SMAD3: variants seen among roughly 807,000 people sequenced by gnomAD.
SMAD3 encodes the protein MAD homolog 3.
A neutral mutation model predicts 51.8 loss-of-function variants in SMAD3; 12 were observed. The ratio of observed to expected loss-of-function variants is 0.23; its 90% CI spans 0.15 to 0.38. SMAD3 has a LOEUF of 0.38. Ranked by LOEUF, SMAD3 falls within the 10% of genes least tolerant of loss-of-function variation. The pLI is 1.00. For missense variants in SMAD3, 294 were observed against 565.6 expected (o/e 0.52, Z 4.87); for synonymous variants, 238 against 227.7 (o/e 1.05, Z -0.41).
rs1963466747 is a variant in SMAD3, at chr15:67,194,991, C to G, written c.*4455C>G. Reference sequence around the variant, plus strand: ...ACCTTCACTATTCGGCCAGCCTGACCTTTTAATAACTTTGTAAAAAGCATG... The same window carrying G: ...ACCTTCACTATTCGGCCAGCCTGACGTTTTAATAACTTTGTAAAAAGCATG... On this transcript the variant is annotated 3_prime_UTR_variant, in exon 9 of 9. Coordinates refer to ENST00000327367, the MANE Select transcript of SMAD3 (RefSeq NM_005902.4). 1 of 233,492 alleles carries G rather than the reference C, an allele frequency of 4.3e-6. No individual in the cohort carries two copies. The highest frequency in any genetic ancestry group is 8.5e-6 in the Non-Finnish European group (1 of 117,934). The allele number at this position is 233,492 out of a possible 1,614,324, so 14.5% of individuals were successfully genotyped here.
intron 1 of SMAD3, among the ~76,000 whole-genome samples, chr15:67,098,322 AGGAGGGAGGGAGGGAG>A (rs1279427816): frequency 8.3e-5 from 7 of 83,836 alleles, no homozygotes; most frequent in Admixed American, 1.4e-4. Context: ...AAAAGAAGGA[AGGAGGGAGGGAGGGAG>A]GGAGGGAGGG....
At chr15:67,169,654 G>T (rs1962691386) in intron 4 of SMAD3, among the ~76,000 whole-genome samples, 1 of 147,544 alleles carries the variant, frequency 6.8e-6, no homozygotes, top group Non-Finnish European at 1.5e-5. Context: ...GTAGAGACAG[G>T]GTCTCCCTAT....
At chr15:67,110,815 G>T (rs1227901183) in intron 1 of SMAD3, among the ~76,000 whole-genome samples, 2 of 152,308 alleles carry the variant, frequency 1.3e-5, no homozygotes, top group East Asian at 3.9e-4. Flanking sequence ...TAGATACACA[G>T]AAAAACTGTA....
At chr15:67,154,732 T>C (rs1339905285) in intron 1 of SMAD3, among the ~76,000 whole-genome samples, 3 of 152,262 alleles carry the variant, frequency 2.0e-5, no homozygotes, top group South Asian at 4.1e-4. Context: ...AATTATAGGC[T>C]AATTTTTTAT....
rs1032032182 is a variant in SMAD3 at position 67,192,431 on chromosome 15, C to T, written c.*1895C>T. ...TCTGAGAGGGCCAAATGCTGTGAGT[C>T]TGAAGTATGTGCCTGGTGTGAAATG... On this transcript the variant is annotated 3_prime_UTR_variant, in exon 9 of 9. Transcript: ENST00000327367. 8.6e-6 allele frequency: 2 copies of T among 233,346 alleles called. No individual in the cohort carries two copies. Among genetic ancestry groups the T allele is most frequent in the African/African-American group, 4.4e-5 (2 of 45,342 alleles). The allele number at this position is 233,346 out of a possible 1,614,324, so 14.5% of individuals were successfully genotyped here. A position where few individuals can be genotyped will look rare whatever the true frequency, so the allele number is the denominator to read the frequency against.
At chr15:67,104,875 C>T (rs907733465) in intron 1 of SMAD3, among the ~76,000 whole-genome samples, 1 of 152,234 alleles carries the variant, frequency 6.6e-6, no homozygotes, top group Admixed American at 6.5e-5. Flanking sequence ...CAGTTCTTCT[C>T]CCCCTTTTAG....
chr15:67,126,660 T>A (rs1281858238), intron 1 of SMAD3, among the ~76,000 whole-genome samples: 1 of 152,206 alleles, frequency 6.6e-6, no homozygotes, highest in East Asian at 1.9e-4. Flanking sequence ...CTTTCCTGTC[T>A]TGTCCACACC....
chr15:67,173,290 A>G (rs1893540179), intron 5 of SMAD3, among the ~76,000 whole-genome samples: 2 of 152,030 alleles, frequency 1.3e-5, no homozygotes, highest in African/African-American at 2.4e-5. Context: ...GTCCATGTCC[A>G]CCTGTAATGC....
Position 67,132,266 on chromosome 15 carries a change from G to A in SMAD3, c.207-32629G>A, listed in dbSNP as rs566163902. 5.9e-5 allele frequency among the ~76,000 whole-genome samples: 9 copies of A among 152,268 alleles called. No homozygotes were observed. In the South Asian group the frequency reaches 6.2e-4, roughly 11 times the overall value. ...AACAGCAAGTTCCCATGCTGCGAAC[G>A]TCTCACCCTGACCCTCACCGTATTT... On this transcript the variant is annotated intron_variant, in intron 1 of 8. Transcript: ENST00000327367.
At chr15:67,126,647 G>A (rs1230843908) in intron 1 of SMAD3, among the ~76,000 whole-genome samples, 2 of 152,190 alleles carry the variant, frequency 1.3e-5, no homozygotes, top group African/African-American at 4.8e-5. Flanking sequence ...CAAGGACAGA[G>A]CCCTTTCCTG....
chr15:67,139,947 C>T (rs1280746094), intron 1 of SMAD3, among the ~76,000 whole-genome samples: 2 of 111,310 alleles, frequency 1.8e-5, no homozygotes, highest in Admixed American at 1.0e-4. Context: ...GACGAAACCC[C>T]GTCTCTACTA....
intron 1 of SMAD3, among the ~76,000 whole-genome samples, chr15:67,131,374 AG>A (rs1431394919): frequency 1.3e-5 from 2 of 152,188 alleles, no homozygotes; most frequent in Non-Finnish European, 2.9e-5. Context: ...GCCAGGAGAT[AG>A]TCGTTGAGTT....
At chr15:67,141,331 A>C (rs1223781990) in intron 1 of SMAD3, among the ~76,000 whole-genome samples, 2 of 152,216 alleles carry the variant, frequency 1.3e-5, no homozygotes, top group African/African-American at 2.4e-5. Context: ...TTCCTCATGC[A>C]GGTGGACTCT....
In SMAD3 at chr15:67,190,831, C is replaced by T. The variant is rs1177884298; in HGVS notation, c.*295C>T. On this transcript the variant is annotated 3_prime_UTR_variant, in exon 9 of 9. Coordinates refer to ENST00000327367, the MANE Select transcript of SMAD3 (RefSeq NM_005902.4). Reference sequence around the variant, plus strand: ...AACAGGTAGTATTACACCACCGGCCCCCTCCCCCCAGACTCTTTTTTTGAG... The same window carrying T: ...AACAGGTAGTATTACACCACCGGCCTCCTCCCCCCAGACTCTTTTTTTGAG... 2.1e-6 allele frequency: 1 copy of T among 465,970 alleles called. No individual in the cohort carries two copies. The highest frequency in any genetic ancestry group is 3.9e-6 in the Non-Finnish European group (1 of 254,800). 28.9% of individuals were successfully genotyped at this position (465,970 alleles called of 1,614,324 possible).
At chr15:67,087,462 G>A (rs1960417941) in intron 1 of SMAD3, among the ~76,000 whole-genome samples, 2 of 152,168 alleles carry the variant, frequency 1.3e-5, no homozygotes, top group Admixed American at 6.5e-5. Context: ...TAATAGGATT[G>A]TTCTTGGTTT....
chr15:67,084,393 T>C (rs1960345950), intron 1 of SMAD3, among the ~76,000 whole-genome samples: 1 of 152,132 alleles, frequency 6.6e-6, no homozygotes, highest in Non-Finnish European at 1.5e-5. Context: ...TCTCAGATTT[T>C]CATGATAGCC....
chr15:67,154,222 G>T (rs1311723224), intron 1 of SMAD3, among the ~76,000 whole-genome samples: 1 of 152,168 alleles, frequency 6.6e-6, no homozygotes, highest in African/African-American at 2.4e-5. Context: ...TGGCATAGGG[G>T]GCTGCAGCCT....
In SMAD3 at chr15:67,070,257, G is replaced by A. The variant is rs566159365; in HGVS notation, c.206+3897G>A. Among the ~76,000 whole-genome samples the A allele has an allele frequency of 1.4e-3, 211 of 152,236 alleles. 3 individuals carry two copies. The South Asian group carries it at 0.04, about 29-fold the overall frequency. ...GGTGGTCCATTATCTCTTTGCTCTT[G>A]TTAAGTTTGATTAGGGGAGTTCCAC... On this transcript the variant is annotated intron_variant, in intron 1 of 8. Coordinates refer to ENST00000327367, the MANE Select transcript of SMAD3 (RefSeq NM_005902.4).
intron 1 of SMAD3, among the ~76,000 whole-genome samples, chr15:67,100,180 TAAAAAAA>T (rs34746545): frequency 9.1e-6 from 1 of 109,930 alleles, no homozygotes; most frequent in Non-Finnish European, 1.8e-5. Flanking sequence ...AAACTCCATC[TAAAAAAA>T]AAAAAAAAAA....
Sources: allele counts gnomAD v4.1 joint callset (sites outside exome capture counted in the v4.1 genomes callset), GRCh38; gene constraint gnomAD v4.1.1; transcripts MANE v1.5; gene names NCBI Gene and HGNC (gene_info 2026-07-23, HGNC 2026-07-21).